Variants in VPS35L observed in about 807,000 individuals in gnomAD.
VPS35L encodes the protein VPS35 endosomal protein-sorting factor-like.
A neutral mutation model predicts 133.0 loss-of-function variants in VPS35L; 83 were observed. That is an observed-to-expected ratio of 0.62 (90% CI 0.52 to 0.75). The LOEUF is 0.75. Among genes scored for constraint, VPS35L ranks in the 30% least tolerant of loss-of-function variants. The pLI, the probability that VPS35L is intolerant of heterozygous loss-of-function variation, is 0.00. For missense variants in VPS35L, 1,083 were observed against 1,206.8 expected, an observed-to-expected ratio of 0.90 and a Z score of 1.52; for synonymous variants, 423 against 449.9, an observed-to-expected ratio of 0.94 and a Z score of 0.76.
intron 12 of VPS35L, among the ~76,000 whole-genome samples, chr16:19,613,565 C>T (rs528002222): frequency 4.6e-5 from 7 of 152,244 alleles, no homozygotes; most frequent in East Asian, 1.9e-4. Flanking sequence ...TGGCCCATAG[C>T]GGCCTCTGGC....
chr16:19,644,833 A>C, intron 22 of VPS35L, 53 bp from the exon 23 acceptor site: 1 of 1,344,966 alleles, frequency 7.4e-7, no homozygotes, highest in South Asian at 1.4e-5. Flanking sequence ...TTTTTTCTTT[A>C]GAAACTTTCA....
chr16:19,656,962 GTTTTTT>G (rs1180404849), intron 26 of VPS35L, among the ~76,000 whole-genome samples: 1 of 109,550 alleles, frequency 9.1e-6, no homozygotes, highest in East Asian at 2.6e-4. Context: ...AAAAGAACTT[GTTTTTT>G]TTTTTTTTTT....
intron 8 of VPS35L, among the ~76,000 whole-genome samples, chr16:19,594,519 C>A (rs1458276096): frequency 6.6e-6 from 1 of 151,748 alleles, no homozygotes; most frequent in Non-Finnish European, 1.5e-5. Context: ...TGGCAGGCAC[C>A]TGTAATTCCA....
chr16:19,636,403 C>A (rs879109284), intron 19 of VPS35L, among the ~76,000 whole-genome samples: 3 of 151,984 alleles, frequency 2.0e-5, no homozygotes, highest in Admixed American at 2.0e-4. Flanking sequence ...GGAAAAAAAT[C>A]CTGTCTTTTA....
intron 2 of VPS35L, among the ~76,000 whole-genome samples, chr16:19,568,509 G>A (rs1439763965): frequency 6.6e-6 from 1 of 151,908 alleles, no homozygotes; most frequent in South Asian, 2.1e-4. Flanking sequence ...GGGGCTGAAA[G>A]CTCCAATCTT....
At position 19,647,772 on chromosome 16, in the gene VPS35L, C is replaced by T. The variant is rs774290294; in HGVS notation, c.1930-12C>T. On this transcript the variant is annotated splice_polypyrimidine_tract_variant and intron_variant, in intron 23 of 30. Transcript: ENST00000417362. ...CCACTGTCCCTTTCAGCGTCTTTCT[C>T]CTTGATTCTAGGTTTCCTTTGGCCG... is the stretch of plus-strand genomic sequence containing the variant. 1.2e-6 allele frequency: 2 copies of T among 1,609,510 alleles called. No individual in the cohort carries two copies. The highest frequency in any genetic ancestry group is 2.2e-5 in the South Asian group (2 of 90,984).
At chr16:19,558,789 G>T (rs1970937609) in intron 1 of VPS35L, among the ~76,000 whole-genome samples, 1 of 151,968 alleles carries the variant, frequency 6.6e-6, no homozygotes, top group Non-Finnish European at 1.5e-5. Flanking sequence ...CAGGCGTGGT[G>T]ACGGGTGCCT....
chr16:19,629,877 A>G, intron 18 of VPS35L, 57 bp downstream of exon 18: 2 of 1,527,122 alleles, frequency 1.3e-6, no homozygotes, highest in South Asian at 1.1e-5. Context: ...TGTTTATAAT[A>G]GTGAATTAGC....
intron 27 of VPS35L, among the ~76,000 whole-genome samples, chr16:19,671,942 CAGT>C (rs1323598179): frequency 6.6e-6 from 1 of 152,144 alleles, no homozygotes; most frequent in African/African-American, 2.4e-5. Context: ...GAGTCTCACT[CAGT>C]AGGTTGAAAT....
chr16:19,625,020 G>T (rs1973216316), intron 14 of VPS35L, among the ~76,000 whole-genome samples: 1 of 151,692 alleles, frequency 6.6e-6, no homozygotes. Flanking sequence ...CTCTTTTAAA[G>T]ATATGTAATT....
At chr16:19,564,374 G>A (rs140000695) in intron 1 of VPS35L, among the ~76,000 whole-genome samples, 273 of 151,910 alleles carry the variant, frequency 1.8e-3, no homozygotes, top group African/African-American at 5.0e-3. Flanking sequence ...CACTGCATCC[G>A]GCCAAACAGA....
Position 19,691,408 on chromosome 16 carries a change from C to G in VPS35L, c.2583C>G (p.Asn861Lys), listed in dbSNP as rs373593167. The change falls in exon 29 of 31, where the codon AAC (asparagine) becomes AAG (lysine). Residue 861 changes from asparagine to lysine, a missense_variant. Transcript: ENST00000417362. ...GGDSKFLAEN[N>K]KLCETVMAQI... ...ACTCCAAGTTCCTGGCAGAAAACAA[C>G]AAGCTGTGTGAGACGGTGATGGCTC... 3.1e-6 allele frequency: 5 copies of G among 1,614,090 alleles called. No individual in the cohort carries two copies. In the Admixed American group the frequency reaches 5.0e-5, roughly 16 times the overall value.
chr16:19,587,038 C>T (rs942961975), intron 7 of VPS35L, among the ~76,000 whole-genome samples: 6 of 152,094 alleles, frequency 3.9e-5, no homozygotes, highest in African/African-American at 7.2e-5. Flanking sequence ...AACTTAAAAT[C>T]GTGGCAGAAG....
At chr16:19,659,609 C>T (rs925234988) in intron 26 of VPS35L, among the ~76,000 whole-genome samples, 1 of 152,116 alleles carries the variant, frequency 6.6e-6, no homozygotes, top group Non-Finnish European at 1.5e-5. Flanking sequence ...ATAGTGGCCC[C>T]TAAGTCCTCA....
rs1420185795 is a variant in VPS35L at position 19,700,566 on chromosome 16, T to G, written c.*90T>G. 16 of 1,083,546 alleles carry G rather than the reference T, an allele frequency of 1.5e-5. No homozygotes were observed. Among genetic ancestry groups the G allele is most frequent in the Non-Finnish European group, 1.9e-5 (14 of 726,300 alleles). 67.1% of individuals were successfully genotyped at this position (1,083,546 alleles called of 1,614,324 possible). On this transcript the variant is annotated 3_prime_UTR_variant, in exon 31 of 31. Transcript: ENST00000417362. Reference sequence around the variant, plus strand: ...CCTGAACTCTTACGGCAATTTAGGTTTCTCATTTTTCTTTTCTTTTTACAT... The same window carrying G: ...CCTGAACTCTTACGGCAATTTAGGTGTCTCATTTTTCTTTTCTTTTTACAT...
intron 27 of VPS35L, among the ~76,000 whole-genome samples, chr16:19,673,731 C>G (rs1197492189): frequency 1.3e-5 from 2 of 152,148 alleles, no homozygotes; most frequent in African/African-American, 4.8e-5. Context: ...CTTGCTAACG[C>G]CACTCATTAA....
Position 19,591,443 on chromosome 16 carries a change from C to T in VPS35L, c.640-347C>T, listed in dbSNP as rs183104775. Among the ~76,000 whole-genome samples the T allele has an allele frequency of 3.9e-4, 59 of 151,768 alleles. 1 individual carries two copies. Among genetic ancestry groups the T allele is most frequent in the African/African-American group, 1.3e-3 (53 of 41,370 alleles). ...TTAAGAGACTGTTATGGGCCGGGTGCGGTGGCTCACGCCTGTAATTCCAGC... is the reference window on the plus strand; with the variant it reads ...TTAAGAGACTGTTATGGGCCGGGTGTGGTGGCTCACGCCTGTAATTCCAGC... On this transcript the variant is annotated intron_variant, in intron 7 of 30. Transcript: ENST00000417362.
At chr16:19,687,090 G>A (rs1310597524) in intron 28 of VPS35L, among the ~76,000 whole-genome samples, 3 of 152,196 alleles carry the variant, frequency 2.0e-5, no homozygotes, top group African/African-American at 7.2e-5. Context: ...GGTAGGGCCA[G>A]GTCAGCCTTG....
At chr16:19,657,597 T>C (rs1974348030) in intron 26 of VPS35L, among the ~76,000 whole-genome samples, 1 of 152,230 alleles carries the variant, frequency 6.6e-6, no homozygotes, top group Non-Finnish European at 1.5e-5. Flanking sequence ...CCTGTCTGTC[T>C]GGTTTACTCA....
Sources: gnomAD v4.1 joint callset for allele counts (sites outside exome capture counted in the v4.1 genomes callset) on GRCh38, gnomAD v4.1.1 for gene constraint, MANE v1.5 for transcripts, NCBI Gene and HGNC (gene_info 2026-07-23, HGNC 2026-07-21) for gene names.